GPR141: variants seen among roughly 807,000 people sequenced by gnomAD.
GPR141 encodes the protein probable G protein-coupled receptor 141.
A neutral mutation model predicts 6.8 loss-of-function variants in GPR141; 6 were observed. That is an observed-to-expected ratio of 0.88 (90% CI 0.48 to 1.74). GPR141 has a LOEUF of 1.74. Ranked by LOEUF, GPR141 falls within the 40% of genes most tolerant of loss-of-function variation. The pLI, the probability that GPR141 is intolerant of heterozygous loss-of-function variation, is 0.01. For synonymous variants in GPR141, 140 were observed against 142.3 expected (o/e 0.98, Z 0.11); for missense variants, 372 against 372.9 (o/e 1.00, Z 0.02).
intron 2 of GPR141, among the ~76,000 whole-genome samples, chr7:37,737,807 A>C (rs1200004195): frequency 6.6e-6 from 1 of 152,226 alleles, no homozygotes; most frequent in Non-Finnish European, 1.5e-5. Context: ...CTCTAGATGC[A>C]AAAAGTCTGT....
chr7:37,699,082 T>C (rs1330957130), intron 2 of GPR141, among the ~76,000 whole-genome samples: 1 of 152,228 alleles, frequency 6.6e-6, no homozygotes, highest in Non-Finnish European at 1.5e-5. Flanking sequence ...TGCCTGTCTG[T>C]TGAAATGGCC....
At chr7:37,687,974 G>A (rs756586312) in intron 2 of GPR141, among the ~76,000 whole-genome samples, 3 of 152,068 alleles carry the variant, frequency 2.0e-5, no homozygotes, top group Non-Finnish European at 2.9e-5. Context: ...CTGTTGCAAC[G>A]ATACAACTTA....
At chr7:37,707,517 C>G (rs930728845) in intron 2 of GPR141, among the ~76,000 whole-genome samples, 2 of 151,442 alleles carry the variant, frequency 1.3e-5, no homozygotes, top group Non-Finnish European at 2.9e-5. Flanking sequence ...CTTTATCACT[C>G]TCATCAACAA....
rs1812660970 is a variant in GPR141 at position 37,743,331 on chromosome 7, G to T, written c.*2020G>T. Among the ~76,000 whole-genome samples the T allele has an allele frequency of 6.6e-6, 1 of 152,158 alleles. No homozygotes were observed. Among genetic ancestry groups the T allele is most frequent in the Non-Finnish European group, 1.5e-5 (1 of 68,014 alleles). ...CACAGAAATTAATTCTGAGGAAGCA[G>T]AAGTAGCAACATAGTTCAAACATGA... On this transcript the variant is annotated 3_prime_UTR_variant, in exon 3 of 3. Transcript: ENST00000334425.
intron 2 of GPR141, among the ~76,000 whole-genome samples, chr7:37,697,621 C>G (rs1810083955): frequency 6.6e-6 from 1 of 152,132 alleles, no homozygotes; most frequent in Non-Finnish European, 1.5e-5. Context: ...GTGGCGAGAT[C>G]AGAAGGTTGA....
In GPR141 at chr7:37,737,087, A is replaced by G. The variant is rs547387633; in HGVS notation, c.-14-3293A>G. ...TTTACAACACACACATTTTAAATGT[A>G]ATAATCATAAAGATTGCAAGAAAAA... On this transcript the variant is annotated intron_variant, in intron 2 of 2. Coordinates refer to ENST00000334425, the MANE Select transcript of GPR141 (RefSeq NM_001381946.1). Among the ~76,000 whole-genome samples, 5 of 152,308 alleles carry G rather than the reference A, an allele frequency of 3.3e-5. No individual in the cohort carries two copies. In the East Asian group the frequency reaches 9.6e-4, roughly 29 times the overall value.
At chr7:37,739,047 G>A (rs1431269809) in intron 2 of GPR141, among the ~76,000 whole-genome samples, 7 of 152,140 alleles carry the variant, frequency 4.6e-5, no homozygotes, top group Admixed American at 4.6e-4. Flanking sequence ...TTTATACAGA[G>A]TAAGATTTTT....
chr7:37,729,531 A>T (rs1447540905), intron 2 of GPR141, among the ~76,000 whole-genome samples: 1 of 152,268 alleles, frequency 6.6e-6, no homozygotes, highest in Non-Finnish European at 1.5e-5. Flanking sequence ...TTTAAAAATT[A>T]TATGCTAGTT....
chr7:37,732,001 A>G (rs942855380), intron 2 of GPR141, among the ~76,000 whole-genome samples: 10 of 150,932 alleles, frequency 6.6e-5, no homozygotes, highest in African/African-American at 2.2e-4. Flanking sequence ...AAGCAAAGTA[A>G]AGAGGAAGAG....
chr7:37,687,099 A>G (rs1038813767), intron 2 of GPR141, among the ~76,000 whole-genome samples: 1 of 152,106 alleles, frequency 6.6e-6, no homozygotes, highest in African/African-American at 2.4e-5. Context: ...AGAAGTTCAG[A>G]CTGAGCTCCA....
chr7:37,688,340 G>T (rs1809605196), intron 2 of GPR141, among the ~76,000 whole-genome samples: 1 of 152,084 alleles, frequency 6.6e-6, no homozygotes, highest in Non-Finnish European at 1.5e-5. Flanking sequence ...GCTGAGGCAG[G>T]AGAATCACTT....
At chr7:37,719,806 C>T (rs887712502) in intron 2 of GPR141, among the ~76,000 whole-genome samples, 6 of 152,012 alleles carry the variant, frequency 3.9e-5, no homozygotes, top group East Asian at 1.9e-4. Flanking sequence ...AACATTCCTT[C>T]GACTCCTGTG....
At position 37,720,705 on chromosome 7, in the gene GPR141, C is replaced by A. The variant is rs1195684773; in HGVS notation, c.-14-19675C>A. On this transcript the variant is annotated intron_variant, in intron 2 of 2. Transcript: ENST00000334425. ...GCAGTGAGCTGAGATTGCGCCACTG[C>A]ACTCCAGGCTGGGCAAAAGCCAGAC... is the stretch of plus-strand genomic sequence containing the variant. 2.7e-5 allele frequency among the ~76,000 whole-genome samples: 4 copies of A among 145,558 alleles called. No individual in the cohort carries two copies. In the Admixed American group the frequency reaches 2.8e-4, roughly 10 times the overall value.
intron 2 of GPR141, among the ~76,000 whole-genome samples, chr7:37,725,621 A>T (rs1811590432): frequency 6.6e-6 from 1 of 152,192 alleles, no homozygotes; most frequent in Admixed American, 6.5e-5. Flanking sequence ...GCTTTACTGA[A>T]ATATAATTCA....
At chr7:37,712,335 T>C (rs1810838792) in intron 2 of GPR141, among the ~76,000 whole-genome samples, 1 of 151,864 alleles carries the variant, frequency 6.6e-6, no homozygotes, top group South Asian at 2.1e-4. Context: ...TGGTATATGG[T>C]ATAGGGAGGA....
chr7:37,733,211 G>A (rs1812060594), intron 2 of GPR141, among the ~76,000 whole-genome samples: 1 of 152,134 alleles, frequency 6.6e-6, no homozygotes, highest in Admixed American at 6.5e-5. Flanking sequence ...ATCTACAGGT[G>A]CTTTTATTAT....
intron 2 of GPR141, among the ~76,000 whole-genome samples, chr7:37,694,688 G>C (rs1292460543): frequency 6.6e-6 from 1 of 152,186 alleles, no homozygotes; most frequent in Non-Finnish European, 1.5e-5. Context: ...GAGAGATGGG[G>C]AAAGTGCCAG....
intron 2 of GPR141, among the ~76,000 whole-genome samples, chr7:37,728,002 C>T (rs1028075012): frequency 6.6e-5 from 10 of 152,164 alleles, no homozygotes; most frequent in South Asian, 2.1e-4. Flanking sequence ...GGTAATTCCC[C>T]GAATGTGCAT....
In GPR141 at chr7:37,740,985, G is replaced by A. The variant is rs753686419; in HGVS notation, c.592G>A (p.Val198Ile). The change falls in exon 3 of 3, where the codon GTC (valine) becomes ATC (isoleucine). Residue 198 changes from valine (V) to isoleucine (I), a missense_variant. Val to Ile is a conservative substitution (Grantham distance 29). Transcript: ENST00000334425. The stretch of plus-strand genomic sequence containing the variant: ...CATAGCCGTTGCTGTGATTCTGTTG[G>A]TCTTCCAGGTCTTCATCATTATGTT... ...FVIAVAVILL[V>I]FQVFIIMLMV... The A allele has an allele frequency of 6.2e-7, 1 of 1,613,932 alleles. No homozygotes were observed. The highest frequency in any genetic ancestry group is 1.1e-5 in the South Asian group (1 of 91,070).
Sources: allele counts gnomAD v4.1 joint callset (sites outside exome capture counted in the v4.1 genomes callset), GRCh38; gene constraint gnomAD v4.1.1; transcripts MANE v1.5; gene names NCBI Gene and HGNC (gene_info 2026-07-23, HGNC 2026-07-21).